Variants in CHODL observed in about 807,000 individuals in gnomAD.
The protein encoded by CHODL is chondrolectin.
CHODL carries 29 observed loss-of-function variants against 34.5 expected under a neutral mutation model. The ratio of observed to expected loss-of-function variants is 0.84; its 90% CI spans 0.63 to 1.15. CHODL has a LOEUF of 1.15. CHODL is among the 50% of genes most tolerant of loss of function. The pLI, the probability that CHODL is intolerant of heterozygous loss-of-function variation, is 0.00. For synonymous variants in CHODL, 125 were observed against 116.1 expected, an observed-to-expected ratio of 1.08 and a Z score of -0.49; for missense variants, 332 against 332.5, an observed-to-expected ratio of 1.00 and a Z score of 0.01.
At chr21:18,233,709 T>C (rs1050195531) in intron 2 of CHODL, among the ~76,000 whole-genome samples, 1 of 152,138 alleles carries the variant, frequency 6.6e-6, no homozygotes, top group Non-Finnish European at 1.5e-5. Context: ...TTTGGCCTTA[T>C]TTCATAATGG....
chr21:18,118,826 C>G (rs932696284), intron 2 of CHODL, among the ~76,000 whole-genome samples: 1 of 152,130 alleles, frequency 6.6e-6, no homozygotes, highest in Non-Finnish European at 1.5e-5. Flanking sequence ...AATACAAAAA[C>G]TCATGACTAC....
intron 2 of CHODL, among the ~76,000 whole-genome samples, chr21:18,196,826 A>G (rs1014755240): frequency 6.6e-6 from 1 of 152,140 alleles, no homozygotes; most frequent in Non-Finnish European, 1.5e-5. Flanking sequence ...TGGGGGTGGG[A>G]GCAATGGGGT....
At chr21:18,264,602 A>G (rs941859894) in intron 5 of CHODL, among the ~76,000 whole-genome samples, 12 of 69,562 alleles carry the variant, frequency 1.7e-4, no homozygotes, top group Admixed American at 1.2e-4. Flanking sequence ...GGTCTGTCTC[A>G]AAAAAAAAAA....
chr21:18,004,120 T>G lies in CHODL; in HGVS notation c.-144-23752T>G, dbSNP rs529987858. On this transcript the variant is annotated intron_variant, in intron 1 of 6. Transcript: ENST00000400127. ...ACAATAATTAATAAAGTAAAAATTTTTAGTAGCTAAACCTAAGCAAAACAT... is the reference window on the plus strand; with the variant it reads ...ACAATAATTAATAAAGTAAAAATTTGTAGTAGCTAAACCTAAGCAAAACAT... Among the ~76,000 whole-genome samples, 7 of 152,350 alleles carry G rather than the reference T, an allele frequency of 4.6e-5. No individual in the cohort carries two copies. In the East Asian group the frequency reaches 1.3e-3, roughly 29 times the overall value.
chr21:17,958,882 TTC>T (rs2063512039), intron 1 of CHODL, among the ~76,000 whole-genome samples: 1 of 152,064 alleles, frequency 6.6e-6, no homozygotes, highest in Admixed American at 6.6e-5. Flanking sequence ...AGTGTATTCT[TTC>T]TGTTTTGTTG....
At chr21:18,131,315 G>A (rs531701099) in intron 2 of CHODL, among the ~76,000 whole-genome samples, 1 of 151,836 alleles carries the variant, frequency 6.6e-6, no homozygotes, top group South Asian at 2.1e-4. Context: ...AATCTGGGGG[G>A]GACACAAATA....
intron 2 of CHODL, among the ~76,000 whole-genome samples, chr21:18,063,217 A>G (rs2064690499): frequency 6.6e-6 from 1 of 152,238 alleles, no homozygotes; most frequent in Non-Finnish European, 1.5e-5. Flanking sequence ...ACAAAGGAAC[A>G]GAACCAATGT....
At position 17,963,961 on chromosome 21, in the gene CHODL, A is replaced by G. The variant is rs75684311; in HGVS notation, c.-145+46561A>G. ...AATGGCTTTTTTTTCTTCCATCAAT[A>G]GAAACAACTTGCCAAAAAATCACAA... On this transcript the variant is annotated intron_variant, in intron 1 of 6. Coordinates refer to the CHODL transcript ENST00000400127. 1.2e-3 allele frequency among the ~76,000 whole-genome samples: 182 copies of G among 152,296 alleles called. 2 individuals are homozygous for G. In the East Asian group the frequency reaches 0.034, roughly 29 times the overall value.
intron 2 of CHODL, among the ~76,000 whole-genome samples, chr21:18,153,072 C>T (rs961281586): frequency 2.0e-5 from 3 of 152,194 alleles, no homozygotes; most frequent in Non-Finnish European, 2.9e-5. Context: ...TAGTTTCTAT[C>T]GCTGCCATAA....
intron 2 of CHODL, among the ~76,000 whole-genome samples, chr21:18,092,150 G>A (rs2065081421): frequency 2.0e-5 from 3 of 152,130 alleles, no homozygotes; most frequent in Admixed American, 1.3e-4. Flanking sequence ...CCAGTTCCAA[G>A]TGGCTCAGTA....
chr21:18,178,240 A>G (rs1243245075), intron 2 of CHODL, among the ~76,000 whole-genome samples: 2 of 152,216 alleles, frequency 1.3e-5, no homozygotes, highest in African/African-American at 4.8e-5. Context: ...TCCGTATTCT[A>G]CAGTATTTCC....
chr21:18,247,658 T>G (rs976766211), intron 1 of CHODL, among the ~76,000 whole-genome samples: 5 of 152,104 alleles, frequency 3.3e-5, no homozygotes, highest in Admixed American at 1.3e-4. Flanking sequence ...TGGTCATGAT[T>G]ATTTTGATGT....
chr21:17,987,417 T>A (rs1218258946), intron 1 of CHODL, among the ~76,000 whole-genome samples: 1 of 152,170 alleles, frequency 6.6e-6, no homozygotes, highest in African/African-American at 2.4e-5. Flanking sequence ...TAGCCACTTA[T>A]TCTACCTAGT....
intron 1 of CHODL, among the ~76,000 whole-genome samples, chr21:18,002,980 G>A (rs964152624): frequency 2.0e-5 from 3 of 152,016 alleles, no homozygotes; most frequent in Admixed American, 6.6e-5. Context: ...AAAATTAGCC[G>A]GGCGAGGTGG....
At chr21:17,958,155 G>A (rs1216586294) in intron 1 of CHODL, among the ~76,000 whole-genome samples, 4 of 151,836 alleles carry the variant, frequency 2.6e-5, no homozygotes, top group Non-Finnish European at 5.9e-5. Context: ...AGAATAATTT[G>A]GTTTATTTTT....
intron 1 of CHODL, among the ~76,000 whole-genome samples, chr21:18,003,695 C>G (rs972516747): frequency 2.0e-5 from 3 of 152,000 alleles, no homozygotes; most frequent in Non-Finnish European, 4.4e-5. Context: ...CTGTCTGTCT[C>G]TCTCTCTTTT....
At chr21:18,206,225 A>G (rs1440533305) in intron 2 of CHODL, among the ~76,000 whole-genome samples, 2 of 152,184 alleles carry the variant, frequency 1.3e-5, no homozygotes, top group East Asian at 3.9e-4. Flanking sequence ...CAATGCTAAA[A>G]GTAGGGTGTT....
chr21:17,943,741 C>A (rs1600991927), intron 1 of CHODL, among the ~76,000 whole-genome samples: 1 of 152,282 alleles, frequency 6.6e-6, no homozygotes, highest in East Asian at 1.9e-4. Context: ...TCCCCCAAGT[C>A]AGCATAGTGT....
intron 2 of CHODL, among the ~76,000 whole-genome samples, chr21:18,090,765 T>C (rs1790238576): frequency 7.0e-6 from 1 of 143,232 alleles, no homozygotes; most frequent in African/African-American, 2.6e-5. Flanking sequence ...GGTTACAGTA[T>C]ATTAAAGCTA....
Sources: gnomAD v4.1 joint callset for allele counts (sites outside exome capture counted in the v4.1 genomes callset) on GRCh38, gnomAD v4.1.1 for gene constraint, MANE v1.5 for transcripts, NCBI Gene and HGNC (gene_info 2026-07-23, HGNC 2026-07-21) for gene names.